The following NALF1 variants were observed in gnomAD, a reference collection of about 807,000 sequenced individuals.
NALF1 encodes the protein family with sequence similarity 155 member A.
A neutral mutation model predicts 48.4 loss-of-function variants in NALF1; 3 were observed. The observed-to-expected ratio is 0.06, with a 90% CI of 0.03 to 0.16. The LOEUF (loss-of-function observed/expected upper bound fraction) is 0.16, where lower values mean the gene tolerates loss of function less well. NALF1 is among the 10% of genes least tolerant of loss of function. The pLI is 1.00. For missense variants in NALF1, 526 were observed against 571.5 expected, an observed-to-expected ratio of 0.92 and a Z score of 0.81; for synonymous variants, 262 against 245.7, an observed-to-expected ratio of 1.07 and a Z score of -0.62.
At chr13:107,731,140 A>G (rs536710915) in intron 1 of NALF1, among the ~76,000 whole-genome samples, 1 of 152,300 alleles carries the variant, frequency 6.6e-6, no homozygotes, top group South Asian at 2.1e-4. Context: ...GGCAGCTAGT[A>G]TGCTGATTAG....
At chr13:107,289,868 T>C (rs1881579195) in intron 1 of NALF1, among the ~76,000 whole-genome samples, 1 of 152,136 alleles carries the variant, frequency 6.6e-6, no homozygotes, top group Non-Finnish European at 1.5e-5. Flanking sequence ...AATGAATGGA[T>C]ACGGAAGAAT....
intron 1 of NALF1, among the ~76,000 whole-genome samples, chr13:107,862,045 T>C (rs183638213): frequency 4.7e-4 from 71 of 152,306 alleles, no homozygotes; most frequent in East Asian, 1.7e-3. Flanking sequence ...TGAGCATTCA[T>C]ACATTCTTGA....
At chr13:107,184,181 TAAA>T (rs35875309) in intron 2 of NALF1, among the ~76,000 whole-genome samples, 1 of 145,464 alleles carries the variant, frequency 6.9e-6, no homozygotes, top group Non-Finnish European at 1.5e-5. Flanking sequence ...AAAAGTGTAA[TAAA>T]AAAAAAAAAG....
chr13:107,829,139 CAG>C (rs1486437959), intron 1 of NALF1, among the ~76,000 whole-genome samples: 6 of 152,102 alleles, frequency 3.9e-5, no homozygotes, highest in African/African-American at 1.4e-4. Flanking sequence ...TATGAAATAC[CAG>C]AGAGATCACC....
intron 2 of NALF1, among the ~76,000 whole-genome samples, chr13:107,208,140 T>A (rs1879682198): frequency 6.6e-6 from 1 of 152,222 alleles, no homozygotes; most frequent in African/African-American, 2.4e-5. Flanking sequence ...AACCTCAGAA[T>A]TTATTCCATA....
intron 1 of NALF1, among the ~76,000 whole-genome samples, chr13:107,549,625 T>C (rs1030548795): frequency 6.6e-6 from 1 of 152,198 alleles, no homozygotes; most frequent in African/African-American, 2.4e-5. Flanking sequence ...TATATGGTTG[T>C]GTATACATAT....
chr13:107,739,361 T>C (rs1010660103), intron 1 of NALF1, among the ~76,000 whole-genome samples: 6 of 148,220 alleles, frequency 4.0e-5, no homozygotes, highest in Non-Finnish European at 5.9e-5. Flanking sequence ...TCATATATAA[T>C]ATATAAATAT....
chr13:107,538,546 T>C (rs984544372), intron 1 of NALF1, among the ~76,000 whole-genome samples: 34 of 152,292 alleles, frequency 2.2e-4, no homozygotes, highest in South Asian at 8.3e-4. Context: ...TCATAAATTC[T>C]GTTTGTCATT....
At chr13:107,803,144 GA>G (rs1258905327) in intron 1 of NALF1, among the ~76,000 whole-genome samples, 1 of 152,140 alleles carries the variant, frequency 6.6e-6, no homozygotes. Flanking sequence ...TCGCAGACAT[GA>G]AAGAAATGGC....
chr13:107,793,951 G>A lies in NALF1; in HGVS notation c.915+71731C>T, dbSNP rs1346958435. On this transcript the variant is annotated intron_variant, in intron 1 of 2. Transcript: ENST00000375915. ...ACTCATCTTATTCACTCTTATTTCA[G>A]ATGAGATCAAGCACCCTCAGGACAA... is the stretch of plus-strand genomic sequence containing the variant. Among the ~76,000 whole-genome samples, 3 of 151,948 alleles carry A rather than the reference G, an allele frequency of 2.0e-5. No homozygotes were observed. In the East Asian group the frequency reaches 5.8e-4, roughly 29 times the overall value.
intron 1 of NALF1, among the ~76,000 whole-genome samples, chr13:107,612,615 G>A (rs940836553): frequency 2.9e-4 from 44 of 152,100 alleles, no homozygotes; most frequent in African/African-American, 1.1e-3. Context: ...CAGAGTCAGA[G>A]AGAGCTCCTC....
chr13:107,563,945 A>T (rs1253599750), intron 1 of NALF1, among the ~76,000 whole-genome samples: 2 of 152,228 alleles, frequency 1.3e-5, no homozygotes, highest in Admixed American at 1.3e-4. Flanking sequence ...GTTTACAAAT[A>T]ATTTATAGCC....
intron 1 of NALF1, among the ~76,000 whole-genome samples, chr13:107,390,997 T>A (rs932735247): frequency 6.6e-6 from 1 of 152,156 alleles, no homozygotes; most frequent in Non-Finnish European, 1.5e-5. Flanking sequence ...ATCTACCATG[T>A]GCCAGGCATC....
chr13:107,771,461 T>C (rs1033516169), intron 1 of NALF1, among the ~76,000 whole-genome samples: 5 of 149,308 alleles, frequency 3.3e-5, no homozygotes, highest in African/African-American at 7.4e-5. Flanking sequence ...AATGTATATA[T>C]GTATGCATAT....
chr13:107,270,861 G>C (rs532062399), intron 1 of NALF1, among the ~76,000 whole-genome samples: 2 of 140,898 alleles, frequency 1.4e-5, no homozygotes, highest in South Asian at 4.4e-4. Context: ...TCCCCTTCCT[G>C]TGTCCATGTG....
chr13:107,649,906 G>A (rs530388900), intron 1 of NALF1, among the ~76,000 whole-genome samples: 1 of 152,200 alleles, frequency 6.6e-6, no homozygotes, highest in African/African-American at 2.4e-5. Flanking sequence ...GCCCCTACCC[G>A]TCAGCTTGCC....
At chr13:107,789,385 TGTC>T (rs1878165224) in intron 1 of NALF1, among the ~76,000 whole-genome samples, 1 of 152,244 alleles carries the variant, frequency 6.6e-6, no homozygotes. Flanking sequence ...TGGGTATGAA[TGTC>T]GTCAGGCAAT....
intron 1 of NALF1, among the ~76,000 whole-genome samples, chr13:107,642,577 T>C (rs1222452448): frequency 6.6e-6 from 1 of 152,188 alleles, no homozygotes; most frequent in East Asian, 1.9e-4. Flanking sequence ...CTCCTGAAAA[T>C]ATCACTAGGA....
chr13:107,435,380 G>A (rs1490874002), intron 1 of NALF1, among the ~76,000 whole-genome samples: 1 of 152,064 alleles, frequency 6.6e-6, no homozygotes, highest in Non-Finnish European at 1.5e-5. Context: ...AGCGTCAGCA[G>A]ACCCACTTGA....
Sources: allele counts gnomAD v4.1 joint callset (sites outside exome capture counted in the v4.1 genomes callset), GRCh38; gene constraint gnomAD v4.1.1; transcripts MANE v1.5; gene names NCBI Gene and HGNC (gene_info 2026-07-23, HGNC 2026-07-21).